Variants in FARS2 observed in about 807,000 individuals in gnomAD.
FARS2 encodes the protein phenylalanyl-tRNA synthetase 2, mitochondrial, also known as phenylalanine--tRNA ligase, mitochondrial.
FARS2 carries 40 observed loss-of-function variants against 46.4 expected under a neutral mutation model. The observed-to-expected ratio is 0.86, with a 90% CI of 0.67 to 1.12. The LOEUF (loss-of-function observed/expected upper bound fraction) is 1.12, where lower values mean the gene tolerates loss of function less well. Ranked by LOEUF, FARS2 falls within the 50% of genes most tolerant of loss-of-function variation. The probability of loss-of-function intolerance (pLI) is 0.00; values close to 1 mark genes in which losing one functional copy is unlikely to be tolerated. For missense variants in FARS2, 513 were observed against 567.9 expected (o/e 0.90, Z 0.98); for synonymous variants, 234 against 214.9 (o/e 1.09, Z -0.78).
chr6:5,532,982 A>G (rs777155714), intron 4 of FARS2, among the ~76,000 whole-genome samples: 2 of 152,126 alleles, frequency 1.3e-5, no homozygotes, highest in African/African-American at 2.4e-5. Flanking sequence ...CAAGCATTTC[A>G]CTTGTCTCTT....
intron 1 of FARS2, among the ~76,000 whole-genome samples, chr6:5,358,347 G>C (rs748871941): frequency 1.3e-5 from 2 of 152,012 alleles, no homozygotes; most frequent in Non-Finnish European, 2.9e-5. Context: ...TTTAAATGCT[G>C]AATATTATGG....
At chr6:5,267,049 A>G (rs1171196200) in intron 1 of FARS2, among the ~76,000 whole-genome samples, 3 of 152,076 alleles carry the variant, frequency 2.0e-5, no homozygotes, top group Non-Finnish European at 2.9e-5. Flanking sequence ...CTCTAGCTTC[A>G]TTGATTGGAG....
upstream of FARS2, chr6:5,261,025 G>C (rs1052098090): frequency 4.0e-6 from 4 of 993,114 alleles, no homozygotes; most frequent in African/African-American, 1.7e-5. Flanking sequence ...CCGGAGGCTC[G>C]GGACCCAGCA....
At chr6:5,674,102 T>A (rs1300902513) in intron 6 of FARS2, among the ~76,000 whole-genome samples, 1 of 149,392 alleles carries the variant, frequency 6.7e-6, no homozygotes, top group Non-Finnish European at 1.5e-5. Flanking sequence ...TATGTTTTAT[T>A]CAAACACTGT....
chr6:5,308,712 C>T (rs1374718276), intron 1 of FARS2, among the ~76,000 whole-genome samples: 3 of 152,310 alleles, frequency 2.0e-5, no homozygotes, highest in Admixed American at 2.0e-4. Flanking sequence ...CAATGTGTTG[C>T]ATATTTTCTG....
intron 6 of FARS2, among the ~76,000 whole-genome samples, chr6:5,709,754 G>A (rs927005515): frequency 2.2e-4 from 33 of 151,788 alleles, no homozygotes; most frequent in Middle Eastern, 3.4e-3. Context: ...GTGCGCGCGC[G>A]CGTGTGTGTG....
chr6:5,359,782 A>G (rs1402295321), intron 1 of FARS2, among the ~76,000 whole-genome samples: 1 of 152,270 alleles, frequency 6.6e-6, no homozygotes, highest in Admixed American at 6.5e-5. Flanking sequence ...ACATTTATCC[A>G]TGGAAGCCAA....
chr6:5,393,830 C>T (rs531261473), intron 2 of FARS2, among the ~76,000 whole-genome samples: 11 of 152,312 alleles, frequency 7.2e-5, no homozygotes, highest in African/African-American at 2.6e-4. Context: ...TGCTGAGATG[C>T]TCATTGGTCA....
chr6:5,344,753 T>TAG (rs1421362938), intron 1 of FARS2, among the ~76,000 whole-genome samples: 2 of 152,056 alleles, frequency 1.3e-5, no homozygotes, highest in African/African-American at 4.8e-5. Flanking sequence ...TTCTTCACTA[T>TAG]GTAACCACAG....
intron 1 of FARS2, among the ~76,000 whole-genome samples, chr6:5,324,985 C>CTTG (rs1057450967): frequency 2.7e-4 from 41 of 152,296 alleles, no homozygotes; most frequent in African/African-American, 9.1e-4. Context: ...CATCTGGTTC[C>CTTG]TTGTACTTCT....
chr6:5,258,590 C>T (rs952761643), upstream of FARS2, among the ~76,000 whole-genome samples: 8 of 152,186 alleles, frequency 5.3e-5, no homozygotes, highest in Non-Finnish European at 7.3e-5. Flanking sequence ...TCACAAGACA[C>T]AGCCTTAATG....
intron 6 of FARS2, among the ~76,000 whole-genome samples, chr6:5,734,051 C>G (rs921970092): frequency 6.6e-6 from 1 of 152,206 alleles, no homozygotes; most frequent in Non-Finnish European, 1.5e-5. Context: ...GAGTGCTAAA[C>G]TGGTGTAATA....
At chr6:5,431,649 C>T (rs773130289) in intron 4 of FARS2, 2 of 532,828 alleles carry the variant, frequency 3.8e-6, no homozygotes, top group African/African-American at 1.9e-5. Context: ...ATGCTTAATC[C>T]ATCACCTCCC....
chr6:5,686,950 C>T (rs1757277874), intron 6 of FARS2, among the ~76,000 whole-genome samples: 1 of 152,192 alleles, frequency 6.6e-6, no homozygotes, highest in Non-Finnish European at 1.5e-5. Flanking sequence ...CTCTGATGGC[C>T]AGTGATGATG....
intron 4 of FARS2, among the ~76,000 whole-genome samples, chr6:5,490,225 T>C (rs2150359325): frequency 6.6e-6 from 1 of 152,346 alleles, no homozygotes; most frequent in East Asian, 1.9e-4. Context: ...TGTATTAATA[T>C]TTTGTTCTTT....
intron 1 of FARS2, among the ~76,000 whole-genome samples, chr6:5,320,994 A>G (rs1311202538): frequency 6.6e-6 from 1 of 152,198 alleles, no homozygotes; most frequent in Non-Finnish European, 1.5e-5. Context: ...AGCTGGCTGA[A>G]TTTTGCAAGA....
intron 3 of FARS2, among the ~76,000 whole-genome samples, chr6:5,409,473 T>G (rs1296983673): frequency 1.3e-5 from 2 of 152,016 alleles, no homozygotes; most frequent in Non-Finnish European, 2.9e-5. Flanking sequence ...ACTTAAATTT[T>G]AGAATAGCAG....
chr6:5,535,772 A>G (rs1770154080), intron 4 of FARS2, among the ~76,000 whole-genome samples: 1 of 152,204 alleles, frequency 6.6e-6, no homozygotes, highest in African/African-American at 2.4e-5. Context: ...CATTCACTGT[A>G]TCAATTGATA....
At chr6:5,661,742 G>T (rs1192678366) in intron 6 of FARS2, among the ~76,000 whole-genome samples, 2 of 152,188 alleles carry the variant, frequency 1.3e-5, no homozygotes, top group East Asian at 3.9e-4. Context: ...AATGAAGTGG[G>T]AGGAGAAGAA....
Sources: gnomAD v4.1 joint callset for allele counts (sites outside exome capture counted in the v4.1 genomes callset) on GRCh38, gnomAD v4.1.1 for gene constraint, MANE v1.5 for transcripts, NCBI Gene and HGNC (gene_info 2026-07-23, HGNC 2026-07-21) for gene names.